TMEM205: variants seen among roughly 807,000 people sequenced by gnomAD.
TMEM205 encodes the protein transmembrane protein 205.
Under a neutral mutation model 17.9 loss-of-function variants are expected in TMEM205, and 11 were observed. The observed-to-expected ratio is 0.61, with a 90% CI of 0.39 to 1.02. TMEM205 has a LOEUF of 1.02. TMEM205 is among the 50% of genes least tolerant of loss of function. The pLI is 0.01. For missense variants in TMEM205, 236 were observed against 239.4 expected (o/e 0.99, Z 0.09); for synonymous variants, 86 against 97.4 (o/e 0.88, Z 0.69).
At chr19:11,345,171 C>G in intron 2 of TMEM205, 81 bp downstream of exon 2, 1 of 1,466,368 alleles carries the variant, frequency 6.8e-7, no homozygotes. Context: ...TTTTCCCCCC[C>G]TGGAAAAGGT....
rs759811205 is a variant in TMEM205 at position 11,345,348 on chromosome 19, G to A, written c.168C>T (p.Phe56=). The A allele has an allele frequency of 5.0e-6, 8 of 1,614,214 alleles. No homozygotes were observed. The highest frequency in any genetic ancestry group is 2.2e-5 in the East Asian group (1 of 44,896). The change falls in exon 2 of 3, where the codon TTC becomes TTT. Residue 56 remains phenylalanine (F), a synonymous_variant. Coordinates refer to ENST00000354882, the MANE Select transcript of TMEM205 (RefSeq NM_198536.3). ...CACAGCCCATGGAGATGTGGAAGTA[G>A]AAGGGGAAGAGTTTGCTCTGCACTA... ...FGLVQSKLFP[F]YFHISMGCAF... is the part of the protein sequence containing the mutation.
chr19:11,343,212 G>T, intron 2 of TMEM205, 92 bp from the exon 3 acceptor site: 2 of 1,241,024 alleles, frequency 1.6e-6, no homozygotes, highest in Non-Finnish European at 2.2e-6. Flanking sequence ...CAGCACAGGG[G>T]TGGGGGTGGG....
At position 11,345,298 on chromosome 19, in the gene TMEM205, G is replaced by A. The variant is rs1454611353; in HGVS notation, c.218C>T (p.Ala73Val). The change falls in exon 2 of 3, where the codon GCT (alanine) becomes GTT (valine). Residue 73 changes from alanine to valine, a missense_variant. Physicochemically the swap from Ala to Val is moderately conservative, Grantham distance 64. Coordinates refer to ENST00000354882, the MANE Select transcript of TMEM205 (RefSeq NM_198536.3). The part of the protein sequence containing the change: ...GCAFINLCIL[A>V]SQHAWAQLTF... Reference sequence around the variant, plus strand: ...GAGCTGAGCCCAAGCATGCTGTGAAGCCAAGATGCAGAGGTTGATGAAGGC... The same window carrying A: ...GAGCTGAGCCCAAGCATGCTGTGAAACCAAGATGCAGAGGTTGATGAAGGC... 1.2e-6 allele frequency: 2 copies of A among 1,614,056 alleles called. No individual in the cohort carries two copies. The highest frequency in any genetic ancestry group is 8.5e-7 in the Non-Finnish European group (1 of 1,180,036).
rs373735468 is a variant in TMEM205 at position 11,342,790 on chromosome 19, C to T, written c.*25G>A. ...AAGACAGCAGCCATTTCTGAAGAAG[C>T]ATTTATTAGCATGCAGGGCCCATGC... On this transcript the variant is annotated 3_prime_UTR_variant, in exon 3 of 3. Transcript: ENST00000354882. The T allele has an allele frequency of 2.5e-6, 4 of 1,581,706 alleles. No homozygotes were observed. The highest frequency in any genetic ancestry group is 3.4e-6 in the Non-Finnish European group (4 of 1,164,598).
At chr19:11,344,335 C>T (rs1967059407) in intron 2 of TMEM205, among the ~76,000 whole-genome samples, 1 of 151,898 alleles carries the variant, frequency 6.6e-6, no homozygotes, top group African/African-American at 2.4e-5. Context: ...CCTTCTGAGC[C>T]TGTTTCATTA....
At chr19:11,346,365 A>G (rs913153148), upstream of TMEM205, 33 of 593,272 alleles carry the variant, frequency 5.6e-5, no homozygotes, top group Non-Finnish European at 9.2e-5. Context: ...GTATTGACTA[A>G]TCGTAGAAAC....
Position 11,343,132 on chromosome 19 carries a change from A to G in TMEM205, c.265-12T>C. The G allele has an allele frequency of 1.2e-6, 2 of 1,602,292 alleles. No individual in the cohort carries two copies. Among genetic ancestry groups the G allele is most frequent in the South Asian group, 1.1e-5 (1 of 90,314 alleles). On this transcript the variant is annotated splice_polypyrimidine_tract_variant and intron_variant, in intron 2 of 2. Transcript: ENST00000354882. The stretch of plus-strand genomic sequence containing the variant: ...AACAGCAGGTAAAGCTGGCAGGGAG[A>G]GCAGAGGAGAAGGTGAGCCATGCCT...
At chr19:11,344,731 T>C (rs945985578) in intron 2 of TMEM205, 1 of 154,552 alleles carries the variant, frequency 6.5e-6, no homozygotes, top group African/African-American at 2.4e-5. Flanking sequence ...TGGGGACTGT[T>C]GTACAGGCTG....
In TMEM205 at chr19:11,343,026, A is replaced by G. The variant is rs150581947; in HGVS notation, c.359T>C (p.Val120Ala). 7.4e-6 allele frequency: 12 copies of G among 1,613,872 alleles called. No individual in the cohort carries two copies. The highest frequency in any genetic ancestry group is 1.3e-5 in the African/African-American group (1 of 74,882). The stretch of plus-strand genomic sequence containing the variant: ...CCCACCCAGGCCTCGCTCCTTCTCC[A>G]CGGTTTGCAGGGCCCACATGGCAGC... ...TTAAMWALQT[V>A]EKERGLGGEV... Residue 120 changes from valine to alanine, a missense_variant, in exon 3 of 3, where the codon GTG becomes GCG. By Grantham distance (64) the Val-to-Ala change is moderately conservative. Coordinates refer to ENST00000354882, the MANE Select transcript of TMEM205 (RefSeq NM_198536.3).
chr19:11,343,135 A>G lies in TMEM205; in HGVS notation c.265-15T>C, dbSNP rs376770439. 9 of 1,549,512 alleles carry G rather than the reference A, an allele frequency of 5.8e-6. No individual in the cohort carries two copies. The African/African-American group carries it at 8.3e-5, about 14-fold the overall frequency. The stretch of plus-strand genomic sequence containing the variant: ...AGCAGGTAAAGCTGGCAGGGAGAGC[A>G]GAGGAGAAGGTGAGCCATGCCTGGG... On this transcript the variant is annotated splice_polypyrimidine_tract_variant and intron_variant, in intron 2 of 2. Coordinates refer to ENST00000354882, the MANE Select transcript of TMEM205 (RefSeq NM_198536.3).
chr19:11,343,549 G>T, intron 2 of TMEM205, among the ~76,000 whole-genome samples: 1 of 152,232 alleles, frequency 6.6e-6, no homozygotes, highest in East Asian at 1.9e-4. Context: ...TTGGGAGGCT[G>T]AGGTGAGTGG....
chr19:11,345,091 C>T (rs529159470), intron 2 of TMEM205, 161 bp downstream of exon 2: 37 of 673,364 alleles, frequency 5.5e-5, no homozygotes, highest in Non-Finnish European at 8.0e-5. Context: ...CTCCTGACCT[C>T]GTGATCCGCC....
At chr19:11,343,311 G>T (rs1272525023) in intron 2 of TMEM205, among the ~76,000 whole-genome samples, 191 bp from the exon 3 acceptor site, 1 of 152,120 alleles carries the variant, frequency 6.6e-6, no homozygotes, top group East Asian at 1.9e-4. Flanking sequence ...CTTCTACTCT[G>T]AAACTGGCAG....
intron 2 of TMEM205, among the ~76,000 whole-genome samples, chr19:11,343,856 C>T (rs1002544834): frequency 1.5e-4 from 23 of 151,814 alleles, no homozygotes; most frequent in Admixed American, 7.9e-4. Flanking sequence ...TCTGTAATCC[C>T]GGTGCTTTCA....
chr19:11,343,710 G>A (rs934875718), intron 2 of TMEM205, among the ~76,000 whole-genome samples: 13 of 152,200 alleles, frequency 8.5e-5, no homozygotes, highest in Admixed American at 2.0e-4. Flanking sequence ...GCTTGAACCC[G>A]GGAAGGAGAG....
intron 2 of TMEM205, among the ~76,000 whole-genome samples, chr19:11,344,293 C>A (rs1967057511): frequency 6.6e-6 from 1 of 151,970 alleles, no homozygotes; most frequent in African/African-American, 2.4e-5. Flanking sequence ...ATTGCTATAA[C>A]ACCATCTCTA....
At position 11,346,240 on chromosome 19, in the gene TMEM205, C is replaced by G. The variant is rs1025067707; in HGVS notation, c.-621G>C. On this transcript the variant is annotated 5_prime_UTR_variant, in exon 1 of 3. Coordinates refer to ENST00000354882, the MANE Select transcript of TMEM205 (RefSeq NM_198536.3). ...CCACGCCCCCGGGTGGACAGCGACCCTCCTCGGCCGCGTCCCCTCGTGGGT... is the reference window on the plus strand; with the variant it reads ...CCACGCCCCCGGGTGGACAGCGACCGTCCTCGGCCGCGTCCCCTCGTGGGT... 6 of 340,906 alleles carry G rather than the reference C, an allele frequency of 1.8e-5. No individual in the cohort carries two copies. The highest frequency in any genetic ancestry group is 3.2e-5 in the Non-Finnish European group (6 of 184,958). 21.1% of individuals were successfully genotyped at this position (340,906 alleles called of 1,614,324 possible). A position where few individuals can be genotyped will look rare whatever the true frequency, so the allele number is the denominator to read the frequency against.
Position 11,345,332 on chromosome 19 carries a change from T to C in TMEM205, c.184A>G (p.Met62Val), listed in dbSNP as rs773709803. 6.2e-7 allele frequency: 1 copy of C among 1,613,984 alleles called. No individual in the cohort carries two copies. Residue 62 changes from methionine to valine, a missense_variant, in exon 2 of 3, where the codon ATG becomes GTG. Transcript: ENST00000354882. ...KLFPFYFHIS[M>V]GCAFINLCIL... ...CAGAGGTTGATGAAGGCACAGCCCATGGAGATGTGGAAGTAGAAGGGGAAG... is the reference window on the plus strand; with the variant it reads ...CAGAGGTTGATGAAGGCACAGCCCACGGAGATGTGGAAGTAGAAGGGGAAG...
At chr19:11,344,005 C>T (rs1441564635) in intron 2 of TMEM205, among the ~76,000 whole-genome samples, 7 of 143,660 alleles carry the variant, frequency 4.9e-5, no homozygotes, top group Non-Finnish European at 9.0e-5. Flanking sequence ...AGTGCAATGG[C>T]GTGACCTTGG....
Sources: gnomAD v4.1 joint callset for allele counts (sites outside exome capture counted in the v4.1 genomes callset) on GRCh38, gnomAD v4.1.1 for gene constraint, MANE v1.5 for transcripts, NCBI Gene and HGNC (gene_info 2026-07-23, HGNC 2026-07-21) for gene names.